PITPNC1: variants seen among roughly 807,000 people sequenced by gnomAD.
The protein encoded by PITPNC1 is phosphatidylinositol transfer protein cytoplasmic 1.
Under a neutral mutation model 44.7 loss-of-function variants are expected in PITPNC1, and 18 were observed. The observed-to-expected ratio is 0.40, with a 90% CI of 0.28 to 0.60. PITPNC1 has a LOEUF of 0.60. PITPNC1 is among the 20% of genes least tolerant of loss of function. The probability of loss-of-function intolerance (pLI) is 0.39; values close to 1 mark genes in which losing one functional copy is unlikely to be tolerated. For missense variants in PITPNC1, 290 were observed against 418.4 expected, an observed-to-expected ratio of 0.69 and a Z score of 2.68; for synonymous variants, 141 against 149.6, an observed-to-expected ratio of 0.94 and a Z score of 0.42.
chr17:67,455,694 G>A (rs976743753), intron 1 of PITPNC1, among the ~76,000 whole-genome samples: 4 of 151,816 alleles, frequency 2.6e-5, no homozygotes, highest in South Asian at 2.1e-4. Context: ...CACCTGCCTC[G>A]GCCTTCCAAA....
chr17:67,526,131 G>A (rs1414743842), intron 1 of PITPNC1, among the ~76,000 whole-genome samples: 1 of 152,210 alleles, frequency 6.6e-6, no homozygotes, highest in Non-Finnish European at 1.5e-5. Context: ...GGGACTAATG[G>A]AGGGAAAGAA....
At chr17:67,440,259 CT>C (rs1354676405) in intron 1 of PITPNC1, among the ~76,000 whole-genome samples, 3 of 152,168 alleles carry the variant, frequency 2.0e-5, no homozygotes, top group African/African-American at 7.2e-5. Flanking sequence ...AAGACAGGCT[CT>C]AACCCCGCAC....
intron 6 of PITPNC1, among the ~76,000 whole-genome samples, chr17:67,645,221 A>G (rs2042134027): frequency 6.6e-6 from 1 of 151,882 alleles, no homozygotes; most frequent in Non-Finnish European, 1.5e-5. Flanking sequence ...GGCACCTATA[A>G]TCCCAGCTAC....
intron 5 of PITPNC1, among the ~76,000 whole-genome samples, chr17:67,603,318 T>TA (rs11406261): frequency 0.98 from 149,873 of 152,270 alleles, 73,759 homozygotes; most frequent in African/African-American, 0.99. Context: ...TCTTCAAGAG[T>TA]AAGAAGTAAT....
At chr17:67,521,278 C>A (rs2040321828) in intron 1 of PITPNC1, among the ~76,000 whole-genome samples, 1 of 152,286 alleles carries the variant, frequency 6.6e-6, no homozygotes, top group South Asian at 2.1e-4. Flanking sequence ...TAGTTTGTCA[C>A]AAAAGGGGGA....
chr17:67,385,852 C>T (rs1016767911), intron 1 of PITPNC1, among the ~76,000 whole-genome samples: 2 of 152,258 alleles, frequency 1.3e-5, no homozygotes, highest in East Asian at 1.9e-4. Context: ...TGCTGTCCTC[C>T]TGGCTGGTCA....
intron 5 of PITPNC1, among the ~76,000 whole-genome samples, chr17:67,620,596 C>T (rs530240517): frequency 6.6e-6 from 1 of 152,322 alleles, no homozygotes; most frequent in South Asian, 2.1e-4. Context: ...AAACCTTTGC[C>T]TTCAGTTTGC....
chr17:67,437,872 A>G (rs140805414), intron 1 of PITPNC1, among the ~76,000 whole-genome samples: 581 of 152,272 alleles, frequency 3.8e-3, no homozygotes, highest in African/African-American at 0.013. Context: ...GTTGGAGACC[A>G]GCCTGGCTAG....
chr17:67,683,960 A>G (rs1278072462), intron 8 of PITPNC1, among the ~76,000 whole-genome samples: 4 of 149,958 alleles, frequency 2.7e-5, no homozygotes, highest in East Asian at 2.0e-4. Flanking sequence ...CCTGGGTGAC[A>G]GAGTTAGACT....
chr17:67,556,706 A>G (rs985657017), intron 4 of PITPNC1, among the ~76,000 whole-genome samples: 30 of 152,304 alleles, frequency 2.0e-4, no homozygotes, highest in African/African-American at 6.7e-4. Flanking sequence ...TGTCCAGCTC[A>G]ATGGACAGGT....
chr17:67,655,750 A>G (rs1305275743), intron 6 of PITPNC1, among the ~76,000 whole-genome samples: 2 of 152,122 alleles, frequency 1.3e-5, no homozygotes, highest in Non-Finnish European at 2.9e-5. Flanking sequence ...CATGGGCAAC[A>G]TAATGAGACC....
chr17:67,430,823 A>T (rs1394587523), intron 1 of PITPNC1, among the ~76,000 whole-genome samples: 1 of 151,208 alleles, frequency 6.6e-6, no homozygotes, highest in African/African-American at 2.4e-5. Context: ...ATGCAGTGGC[A>T]TGTGTCTGTA....
At chr17:67,455,945 G>A (rs983754831) in intron 1 of PITPNC1, among the ~76,000 whole-genome samples, 1 of 152,114 alleles carries the variant, frequency 6.6e-6, no homozygotes, top group Non-Finnish European at 1.5e-5. Flanking sequence ...AACATGTACA[G>A]ATAATAATGA....
intron 4 of PITPNC1, among the ~76,000 whole-genome samples, chr17:67,567,088 A>T (rs892161178): frequency 1.3e-5 from 2 of 152,254 alleles, no homozygotes; most frequent in African/African-American, 4.8e-5. Context: ...TATTGTCATT[A>T]TAACCTCTGT....
chr17:67,603,916 C>T (rs2144278625), intron 5 of PITPNC1, among the ~76,000 whole-genome samples: 1 of 148,140 alleles, frequency 6.8e-6, no homozygotes, highest in South Asian at 2.1e-4. Context: ...ACCTGGGCAA[C>T]AGAACGAGAC....
intron 6 of PITPNC1, among the ~76,000 whole-genome samples, chr17:67,649,785 A>G (rs181019263): frequency 8.0e-4 from 122 of 152,234 alleles, no homozygotes; most frequent in African/African-American, 2.8e-3. Context: ...CTCAGGCTCA[A>G]TAATTTGCTA....
At chr17:67,509,363 C>T (rs1266153090) in intron 1 of PITPNC1, among the ~76,000 whole-genome samples, 1 of 151,048 alleles carries the variant, frequency 6.6e-6, no homozygotes, top group Non-Finnish European at 1.5e-5. Context: ...GAAACCCCAT[C>T]TCTACTAAAA....
chr17:67,621,252 G>A (rs2041826500), intron 5 of PITPNC1, among the ~76,000 whole-genome samples: 1 of 111,706 alleles, frequency 9.0e-6, no homozygotes, highest in Non-Finnish European at 2.0e-5. Context: ...CTGTCACCCA[G>A]GCTGGAGTGC....
chr17:67,619,976 G>C (rs1445544634), intron 5 of PITPNC1, among the ~76,000 whole-genome samples: 1 of 152,086 alleles, frequency 6.6e-6, no homozygotes, highest in Non-Finnish European at 1.5e-5. Context: ...AAGGCCCAAA[G>C]ACAGCCTTCT....
Sources: allele counts gnomAD v4.1 joint callset (sites outside exome capture counted in the v4.1 genomes callset), GRCh38; gene constraint gnomAD v4.1.1; transcripts MANE v1.5; gene names NCBI Gene and HGNC (gene_info 2026-07-23, HGNC 2026-07-21).